OLIG2: variants seen among roughly 807,000 people sequenced by gnomAD.
OLIG2 encodes oligodendrocyte transcription factor 2.
In OLIG2, 12 loss-of-function variants were observed where a neutral mutation model predicts 13.4. That is an observed-to-expected ratio of 0.90 (90% CI 0.58 to 1.46). The LOEUF is 1.46. OLIG2 is among the 40% of genes most tolerant of loss of function. The pLI, the probability that OLIG2 is intolerant of heterozygous loss-of-function variation, is 0.00. For missense variants in OLIG2, 415 were observed against 487.9 expected (o/e 0.85, Z 1.41); for synonymous variants, 250 against 233.6 (o/e 1.07, Z -0.64).
rs1981167672 is a variant in OLIG2 at position 33,027,956 on chromosome 21, G to T, written c.*122G>T. 1 of 1,082,272 alleles carries T rather than the reference G, an allele frequency of 9.2e-7. No individual in the cohort carries two copies. 67.0% of individuals were successfully genotyped at this position (1,082,272 alleles called of 1,614,324 possible). A position where few individuals can be genotyped will look rare whatever the true frequency, so the allele number is the denominator to read the frequency against. ...AGGGGCGCAGGACCATGGACTGGGG[G>T]TGGGGCATGGTGGGGATTCCAGCAT... is the stretch of plus-strand genomic sequence containing the variant. On this transcript the variant is annotated 3_prime_UTR_variant, in exon 2 of 2. Transcript: ENST00000382357.
rs1449337045 is a variant in OLIG2, at chr21:33,028,169, A to G, written c.*335A>G. 6.3e-5 allele frequency: 19 copies of G among 301,110 alleles called. No homozygotes were observed. The Admixed American group carries it at 9.8e-4, about 16-fold the overall frequency. The allele number at this position is 301,110 out of a possible 1,614,324, so 18.7% of individuals were successfully genotyped here. A position where few individuals can be genotyped will look rare whatever the true frequency, so the allele number is the denominator to read the frequency against. On this transcript the variant is annotated 3_prime_UTR_variant, in exon 2 of 2. Transcript: ENST00000382357. ...GACCCCCGACCCCCACCTCCGGGAAAAGATTCTAAAAACTTCTTTCCCTGA... is the reference window on the plus strand; with the variant it reads ...GACCCCCGACCCCCACCTCCGGGAAGAGATTCTAAAAACTTCTTTCCCTGA...
At position 33,026,859 on chromosome 21, in the gene OLIG2, G is replaced by A. The variant is rs199942816; in HGVS notation, c.-4G>A. The stretch of plus-strand genomic sequence containing the variant: ...AGCTGCGACGACTATCTTCCCCTGG[G>A]GCCATGGACTCGGACGCCAGCCTGG... On this transcript the variant is annotated 5_prime_UTR_variant, in exon 2 of 2. Coordinates refer to ENST00000382357, the MANE Select transcript of OLIG2 (RefSeq NM_005806.4). The surrounding 1 kb of genome is among the most constrained non-coding windows in gnomAD (Gnocchi z 6.6). The A allele has an allele frequency of 1.2e-6, 2 of 1,608,510 alleles. No homozygotes were observed.
In OLIG2 at chr21:33,028,807, AT is replaced by A. The variant is rs1340013839; in HGVS notation, c.*977del. 2.5e-5 allele frequency: 6 copies of A among 243,310 alleles called. No homozygotes were observed. Among genetic ancestry groups the A allele is most frequent in the Admixed American group, 1.1e-4 (2 of 17,626 alleles). 15.1% of individuals were successfully genotyped at this position (243,310 alleles called of 1,614,324 possible). On this transcript the variant is annotated 3_prime_UTR_variant, in exon 2 of 2. Transcript: ENST00000382357. ...TTGGGGGTTCTGTTGGCTTTTTAAA[AT>A]TTTCTTTTTTGGATGTGTAAATTTA...
rs1307577795 is a variant in OLIG2 at position 33,026,631 on chromosome 21, G to A, written c.-62-170G>A. 1.4e-5 allele frequency: 8 copies of A among 590,944 alleles called. No homozygotes were observed. Among genetic ancestry groups the A allele is most frequent in the Non-Finnish European group, 2.4e-5 (8 of 333,430 alleles). The allele number at this position is 590,944 out of a possible 1,614,324, so 36.6% of individuals were successfully genotyped here. On this transcript the variant is annotated intron_variant, in intron 1 of 1. Transcript: ENST00000382357. This position sits in a 1 kb window ranked among gnomAD's most constrained non-coding sequence, Gnocchi z 6.6. ...CCGCGTGCAGCTAAAAGGAGGGCCA[G>A]AGATAGTAGCGAGGGGGACGAGGAG...
In OLIG2 at chr21:33,027,470, C is replaced by G; in HGVS notation, c.608C>G (p.Ala203Gly). ...AHSAPLPAAT[A>G]HPAAAAHAAH... Reference sequence around the variant, plus strand: ...TCCGCGCCCCTGCCCGCCGCCACCGCGCACCCGGCAGCAGCAGCGCACGCC... The same window carrying G: ...TCCGCGCCCCTGCCCGCCGCCACCGGGCACCCGGCAGCAGCAGCGCACGCC... Residue 203 changes from alanine (A) to glycine (G), a missense_variant, in exon 2 of 2, where the codon GCG (alanine) becomes GGG (glycine). Physicochemically the swap from Ala to Gly is moderately conservative, Grantham distance 60 (BLOSUM62 0). Transcript: ENST00000382357. The G allele has an allele frequency of 6.7e-7, 1 of 1,482,112 alleles. No homozygotes were observed. Among genetic ancestry groups the G allele is most frequent in the South Asian group, 1.3e-5 (1 of 75,698 alleles). 91.8% of individuals were successfully genotyped at this position (1,482,112 alleles called of 1,614,324 possible). A position where few individuals can be genotyped will look rare whatever the true frequency, so the allele number is the denominator to read the frequency against.
In OLIG2 at chr21:33,027,631, C is replaced by G; in HGVS notation, c.769C>G (p.Pro257Ala). ...GCCGTCGGTCGGCTCCATCCGTCCA[C>G]CGCACGGCCTACTCAAGTCTCCGTC... is the stretch of plus-strand genomic sequence containing the variant. ...GLPSVGSIRP[P>A]HGLLKSPSAA... The change falls in exon 2 of 2, where the codon CCG (proline) becomes GCG (alanine). Residue 257 changes from proline to alanine, a missense_variant. This residue lies in a region of OLIG2 where 243 missense variants were observed against 241.2 expected (regional missense o/e 1.01). Transcript: ENST00000382357. 6.8e-7 allele frequency: 1 copy of G among 1,468,836 alleles called. No homozygotes were observed. The highest frequency in any genetic ancestry group is 9.0e-7 in the Non-Finnish European group (1 of 1,116,184). 91.0% of individuals were successfully genotyped at this position (1,468,836 alleles called of 1,614,324 possible). A position where few individuals can be genotyped will look rare whatever the true frequency, so the allele number is the denominator to read the frequency against.
At position 33,026,446 on chromosome 21, in the gene OLIG2, C is replaced by A. The variant is rs1247855875; in HGVS notation, c.-62-355C>A. 4.8e-6 allele frequency: 1 copy of A among 209,250 alleles called. No homozygotes were observed. The highest frequency in any genetic ancestry group is 2.3e-5 in the African/African-American group (1 of 42,630). 13.0% of individuals were successfully genotyped at this position (209,250 alleles called of 1,614,324 possible). ...CTCCCCAAAGAAAGGCCCTCACTTC[C>A]CACTCGTTTATTCCAGCCCGGGGGC... On this transcript the variant is annotated intron_variant, in intron 1 of 1. Transcript: ENST00000382357. The surrounding 1 kb of genome is among the most constrained non-coding windows in gnomAD (Gnocchi z 6.6).
chr21:33,027,180 G>T lies in OLIG2; in HGVS notation c.318G>T (p.Leu106=), dbSNP rs1277970386. 1 of 1,610,832 alleles carries T rather than the reference G, an allele frequency of 6.2e-7. No individual in the cohort carries two copies. Among genetic ancestry groups the T allele is most frequent in the South Asian group, 1.1e-5 (1 of 90,430 alleles). Residue 106 remains leucine, a synonymous_variant, in exon 2 of 2, where the codon CTG becomes CTT. Transcript: ENST00000382357. ...KDKKQMTEPE[L]QQLRLKINSR... is the part of the protein sequence containing the mutation. ...AGAAGCAAATGACAGAGCCGGAGCT[G>T]CAGCAGCTGCGTCTCAAGATCAACA...
rs1981101032 is a variant in OLIG2 at position 33,026,937 on chromosome 21, G to C, written c.75G>C (p.Arg25=). The C allele has an allele frequency of 1.2e-6, 2 of 1,612,388 alleles. No individual in the cohort carries two copies. Among genetic ancestry groups the C allele is most frequent in the African/African-American group, 2.7e-5 (2 of 74,916 alleles). The change falls in exon 2 of 2, where the codon CGG becomes CGC. Residue 25 remains arginine (R), a synonymous_variant. Transcript: ENST00000382357. This position sits in a 1 kb window ranked among gnomAD's most constrained non-coding sequence, Gnocchi z 6.6. ...PEPDDLFLPA[R]SKGSSGSAFT... is the part of the protein sequence containing the mutation. ...CCGATGACCTTTTTCTGCCGGCCCG[G>C]AGTAAGGGCAGCAGCGGCAGCGCCT...
rs1981077219 is a variant in OLIG2, at chr21:33,026,526, C to T, written c.-62-275C>T. 2.1e-5 allele frequency: 7 copies of T among 327,966 alleles called. No homozygotes were observed. Among genetic ancestry groups the T allele is most frequent in the Admixed American group, 1.8e-4 (4 of 21,714 alleles). The allele number at this position is 327,966 out of a possible 1,614,324, so 20.3% of individuals were successfully genotyped here. ...GAAGCCTCTAGAATGCCACCCGCAC[C>T]CCGAGGGTCACCAACGCTCCCTGAA... On this transcript the variant is annotated intron_variant, in intron 1 of 1. Coordinates refer to ENST00000382357, the MANE Select transcript of OLIG2 (RefSeq NM_005806.4). This position sits in a 1 kb window ranked among gnomAD's most constrained non-coding sequence, Gnocchi z 6.6.
rs2123269615 is a variant in OLIG2 at position 33,027,796 on chromosome 21, GCCGGCAGCC to G, written c.935_943del (p.Ala312_Leu315delinsVal). On this transcript the variant is annotated inframe_deletion, in exon 2 of 2. Coordinates refer to ENST00000382357, the MANE Select transcript of OLIG2 (RefSeq NM_005806.4). Reference sequence around the variant, plus strand: ...GCACCACCACGTGTCGGCTATGGGCGCCGGCAGCCTGCCGCGCCTCACCTCCGACGCCAA... The same window carrying G: ...GCACCACCACGTGTCGGCTATGGGCGTGCCGCGCCTCACCTCCGACGCCAA... 1 of 1,426,658 alleles carries G rather than the reference GCCGGCAGCC, an allele frequency of 7.0e-7. No individual in the cohort carries two copies. Among genetic ancestry groups the G allele is most frequent in the East Asian group, 3.1e-5 (1 of 32,764 alleles). 88.4% of individuals were successfully genotyped at this position (1,426,658 alleles called of 1,614,324 possible). A position where few individuals can be genotyped will look rare whatever the true frequency, so the allele number is the denominator to read the frequency against.
At position 33,028,393 on chromosome 21, in the gene OLIG2, G is replaced by A. The variant is rs538687946; in HGVS notation, c.*559G>A. 22 of 226,278 alleles carry A rather than the reference G, an allele frequency of 9.7e-5. No individual in the cohort carries two copies. The highest frequency in any genetic ancestry group is 1.8e-4 in the Admixed American group (3 of 17,094). 14.0% of individuals were successfully genotyped at this position (226,278 alleles called of 1,614,324 possible). On this transcript the variant is annotated 3_prime_UTR_variant, in exon 2 of 2. Transcript: ENST00000382357. ...CCTGGCCCAAGGCCAGGGGCCACAA[G>A]TTAGTTGGAAGCCGGCGTTCGGTAT...
Position 33,027,529 on chromosome 21 carries a change from C to T in OLIG2, c.667C>T (p.Pro223Ser). 1 of 1,473,698 alleles carries T rather than the reference C, an allele frequency of 6.8e-7. No homozygotes were observed. The highest frequency in any genetic ancestry group is 9.0e-7 in the Non-Finnish European group (1 of 1,117,294). The allele number at this position is 1,473,698 out of a possible 1,614,324, so 91.3% of individuals were successfully genotyped here. A position where few individuals can be genotyped will look rare whatever the true frequency, so the allele number is the denominator to read the frequency against. ...HHPAVHHPIL[P>S]PAAAAAAAAA... is the part of the protein sequence containing the mutation. ...CCCCGCGGTGCACCACCCCATCCTG[C>T]CGCCCGCCGCCGCAGCGGCTGCTGC... The change falls in exon 2 of 2, where the codon CCG becomes TCG. Residue 223 changes from proline (P) to serine (S), a missense_variant. Coordinates refer to ENST00000382357, the MANE Select transcript of OLIG2 (RefSeq NM_005806.4).
At position 33,027,862 on chromosome 21, in the gene OLIG2, A is replaced by G; in HGVS notation, c.*28A>G. Reference sequence around the variant, plus strand: ...CGACTGGCGCCGGCGCGTTCTGGCGACAGGGGAGCCAGGGGCCGCGGGGAA... The same window carrying G: ...CGACTGGCGCCGGCGCGTTCTGGCGGCAGGGGAGCCAGGGGCCGCGGGGAA... On this transcript the variant is annotated 3_prime_UTR_variant, in exon 2 of 2. Coordinates refer to ENST00000382357, the MANE Select transcript of OLIG2 (RefSeq NM_005806.4). 3 of 1,364,934 alleles carry G rather than the reference A, an allele frequency of 2.2e-6. No individual in the cohort carries two copies. Among genetic ancestry groups the G allele is most frequent in the Non-Finnish European group, 2.8e-6 (3 of 1,065,320 alleles). The allele number at this position is 1,364,934 out of a possible 1,614,324, so 84.6% of individuals were successfully genotyped here.
In OLIG2 at chr21:33,026,253, G is replaced by T. The variant is rs972945382; in HGVS notation, c.-63+227G>T. 1 of 152,964 alleles carries T rather than the reference G, an allele frequency of 6.5e-6. No individual in the cohort carries two copies. 9.5% of individuals were successfully genotyped at this position (152,964 alleles called of 1,614,324 possible). A position where few individuals can be genotyped will look rare whatever the true frequency, so the allele number is the denominator to read the frequency against. On this transcript the variant is annotated intron_variant, in intron 1 of 1. Transcript: ENST00000382357. This position sits in a 1 kb window ranked among gnomAD's most constrained non-coding sequence, Gnocchi z 6.6. ...AACAGCTCTTTCTGCCCAAGCCCCA[G>T]TCAGCTGGTGAGCTCCCCGTGGTCT...
rs1981159084 is a variant in OLIG2, at chr21:33,027,810, G to C, written c.948G>C (p.Pro316=). The C allele has an allele frequency of 7.0e-7, 1 of 1,426,082 alleles. No homozygotes were observed. The highest frequency in any genetic ancestry group is 1.4e-5 in the South Asian group (1 of 70,330). 88.3% of individuals were successfully genotyped at this position (1,426,082 alleles called of 1,614,324 possible). The change falls in exon 2 of 2, where the codon CCG becomes CCC. Residue 316 remains proline (P), a synonymous_variant. Coordinates refer to ENST00000382357, the MANE Select transcript of OLIG2 (RefSeq NM_005806.4). ...HVSAMGAGSL[P]RLTSDAK is the part of the protein sequence containing the mutation. ...CGGCTATGGGCGCCGGCAGCCTGCC[G>C]CGCCTCACCTCCGACGCCAAGTGAG...
In OLIG2 at chr21:33,027,028, C is replaced by T. The variant is rs1384417684; in HGVS notation, c.166C>T (p.Arg56Cys). 1 of 1,611,756 alleles carries T rather than the reference C, an allele frequency of 6.2e-7. No homozygotes were observed. Among genetic ancestry groups the T allele is most frequent in the Non-Finnish European group, 8.5e-7 (1 of 1,179,196 alleles). Reference protein sequence around the residue: ...DCPPELSAELRGAMGSAGAHP... With the variant: ...DCPPELSAELCGAMGSAGAHP... The stretch of plus-strand genomic sequence containing the variant: ...CCCGCCGGAGCTGAGCGCCGAGCTG[C>T]GCGGCGCTATGGGCTCTGCGGGCGC... The change falls in exon 2 of 2, where the codon CGC (arginine) becomes TGC (cysteine). Residue 56 changes from arginine (R) to cysteine (C), a missense_variant. Around this residue, in one of 3 missense-constraint regions of OLIG2, gnomAD observed 122 missense variants for 126.8 expected, o/e 0.96. Transcript: ENST00000382357.
chr21:33,027,135 G>A lies in OLIG2; in HGVS notation c.273G>A (p.Ala91=), dbSNP rs1478775455. The A allele has an allele frequency of 6.2e-7, 1 of 1,611,516 alleles. No individual in the cohort carries two copies. Among genetic ancestry groups the A allele is most frequent in the Admixed American group, 1.7e-5 (1 of 59,820 alleles). Residue 91 remains alanine, a synonymous_variant, in exon 2 of 2, where the codon GCG becomes GCA. Coordinates refer to ENST00000382357, the MANE Select transcript of OLIG2 (RefSeq NM_005806.4). Reference sequence around the variant, plus strand: ...CGTCGTCTACGTCGTCGGCGGCTGCGTCGTCCACCAAGAAGGACAAGAAGC... The same window carrying A: ...CGTCGTCTACGTCGTCGGCGGCTGCATCGTCCACCAAGAAGGACAAGAAGC... The part of the protein sequence containing the change: ...STSSSTSSAA[A]SSTKKDKKQM...
In OLIG2 at chr21:33,027,005, C is replaced by A; in HGVS notation, c.143C>A (p.Pro48Gln). ...TVSSSTPSDC[P>Q]PELSAELRGA... ...TCCTCGTCCACCCCGAGTGACTGCC[C>A]GCCGGAGCTGAGCGCCGAGCTGCGC... The change falls in exon 2 of 2, where the codon CCG (proline) becomes CAG (glutamine). Residue 48 changes from proline to glutamine, a missense_variant. Pro to Gln is a moderately conservative substitution (Grantham distance 76). Around this residue, in one of 3 missense-constraint regions of OLIG2, gnomAD observed 122 missense variants for 126.8 expected, o/e 0.96. Transcript: ENST00000382357. 1 of 1,612,212 alleles carries A rather than the reference C, an allele frequency of 6.2e-7. No homozygotes were observed. Among genetic ancestry groups the A allele is most frequent in the Non-Finnish European group, 8.5e-7 (1 of 1,179,432 alleles).
Sources: gnomAD v4.1 joint callset for allele counts on GRCh38, gnomAD v4.1.1 for gene constraint, gnomAD v4.1.1 regional missense constraint, Gnocchi (gnomAD v3.1) non-coding constraint, MANE v1.5 for transcripts, NCBI Gene and HGNC (gene_info 2026-07-23, HGNC 2026-07-21) for gene names.